SGCZ: variants seen among roughly 807,000 people sequenced by gnomAD.
The protein encoded by SGCZ is sarcoglycan zeta.
Under a neutral mutation model 41.3 loss-of-function variants are expected in SGCZ, and 40 were observed. The ratio of observed to expected loss-of-function variants is 0.97; its 90% CI spans 0.75 to 1.26. The LOEUF (loss-of-function observed/expected upper bound fraction) is 1.26, where lower values mean the gene tolerates loss of function less well. SGCZ is among the 50% of genes most tolerant of loss of function. The pLI is 0.00. For missense variants in SGCZ, 552 were observed against 369.8 expected (o/e 1.49, Z -4.04); for synonymous variants, 206 against 137.5 (o/e 1.50, Z -3.49).
intron 1 of SGCZ, among the ~76,000 whole-genome samples, chr8:14,584,843 A>C (rs534438585): frequency 2.6e-5 from 4 of 152,242 alleles, no homozygotes; most frequent in Admixed American, 2.6e-4. Context: ...ACAATGACAG[A>C]GATAAGTACT....
chr8:14,093,948 C>A (rs754381520), intron 7 of SGCZ, among the ~76,000 whole-genome samples: 1 of 151,868 alleles, frequency 6.6e-6, no homozygotes, highest in African/African-American at 2.4e-5. Context: ...GAGGATAGGG[C>A]CTGTCTTTGG....
At chr8:15,156,411 G>T (rs268417) in intron 1 of SGCZ, among the ~76,000 whole-genome samples, 149,966 of 152,306 alleles carry the variant, frequency 0.98, 73,868 homozygotes, top group East Asian at 1. Flanking sequence ...CTTGCCAATC[G>T]TGACAAGAAA....
intron 4 of SGCZ, among the ~76,000 whole-genome samples, chr8:14,179,620 T>G (rs1450806354): frequency 1.3e-5 from 2 of 152,248 alleles, no homozygotes; most frequent in Non-Finnish European, 2.9e-5. Flanking sequence ...TAGTCATGGA[T>G]GGCGTAAAAG....
chr8:14,640,752 T>A (rs1510441), intron 1 of SGCZ, among the ~76,000 whole-genome samples: 29,087 of 151,452 alleles, frequency 0.19, 3,302 homozygotes, highest in East Asian at 0.6. Context: ...CATCTTCCAA[T>A]CCTCTTAGCC....
chr8:14,731,362 A>C (rs1483983059), intron 1 of SGCZ, among the ~76,000 whole-genome samples: 4 of 151,068 alleles, frequency 2.6e-5, no homozygotes, highest in African/African-American at 7.3e-5. Context: ...AGGGAGGGGA[A>C]CATCACACAC....
intron 2 of SGCZ, among the ~76,000 whole-genome samples, chr8:14,375,446 A>G (rs999656677): frequency 6.6e-6 from 1 of 152,204 alleles, no homozygotes; most frequent in African/African-American, 2.4e-5. Context: ...TTGACTAACT[A>G]CCTATTTATC....
intron 2 of SGCZ, among the ~76,000 whole-genome samples, chr8:14,361,953 C>T (rs1803529859): frequency 6.6e-6 from 1 of 152,156 alleles, no homozygotes; most frequent in African/African-American, 2.4e-5. Context: ...AGCTGCAGGT[C>T]TGCTGGAGTT....
chr8:14,870,078 C>T (rs1804090592), intron 1 of SGCZ, among the ~76,000 whole-genome samples: 1 of 152,118 alleles, frequency 6.6e-6, no homozygotes, highest in Non-Finnish European at 1.5e-5. Context: ...GAAAAAAATA[C>T]TTTAAATTTC....
chr8:14,135,350 T>A (rs547216219), intron 5 of SGCZ, among the ~76,000 whole-genome samples: 1 of 152,184 alleles, frequency 6.6e-6, no homozygotes, highest in Admixed American at 6.5e-5. Context: ...GGGGCTGATG[T>A]GATAGGAAGA....
chr8:14,369,687 G>C (rs375285377), intron 2 of SGCZ, among the ~76,000 whole-genome samples: 5 of 151,816 alleles, frequency 3.3e-5, no homozygotes, highest in Non-Finnish European at 7.4e-5. Context: ...AAGTAATCAA[G>C]TATGTTACAA....
At chr8:14,393,700 G>C (rs931623828) in intron 2 of SGCZ, among the ~76,000 whole-genome samples, 1 of 151,992 alleles carries the variant, frequency 6.6e-6, no homozygotes, top group East Asian at 1.9e-4. Flanking sequence ...AATTCCTCCT[G>C]TGCCCATGTT....
At chr8:14,432,494 T>G (rs1446882188) in intron 2 of SGCZ, among the ~76,000 whole-genome samples, 1 of 152,180 alleles carries the variant, frequency 6.6e-6, no homozygotes, top group East Asian at 1.9e-4. Flanking sequence ...TGCAAAGGCA[T>G]AAGTATGACA....
chr8:15,031,138 G>T (rs540571439), intron 1 of SGCZ, among the ~76,000 whole-genome samples: 1 of 152,092 alleles, frequency 6.6e-6, no homozygotes, highest in Admixed American at 6.6e-5. Flanking sequence ...TCTGCATTGA[G>T]GTAGCTTTAT....
At chr8:14,608,509 A>G (rs1484390582) in intron 1 of SGCZ, among the ~76,000 whole-genome samples, 2 of 152,026 alleles carry the variant, frequency 1.3e-5, no homozygotes, top group Non-Finnish European at 2.9e-5. Context: ...AGGAGATGCC[A>G]AGCTCCTTTA....
chr8:14,584,528 G>A (rs555265105), intron 1 of SGCZ, among the ~76,000 whole-genome samples: 2 of 152,052 alleles, frequency 1.3e-5, no homozygotes, highest in Non-Finnish European at 2.9e-5. Context: ...AGGAACACAG[G>A]GAGACAGATG....
At chr8:14,996,337 G>T (rs1802217911) in intron 1 of SGCZ, among the ~76,000 whole-genome samples, 1 of 152,178 alleles carries the variant, frequency 6.6e-6, no homozygotes, top group Non-Finnish European at 1.5e-5. Flanking sequence ...CCTGACAACT[G>T]GTGCAACCAA....
chr8:14,203,514 C>T (rs1469971422), intron 4 of SGCZ, among the ~76,000 whole-genome samples: 4 of 152,106 alleles, frequency 2.6e-5, no homozygotes, highest in Admixed American at 1.3e-4. Context: ...TTTTATTTCA[C>T]TGGATTCAAT....
chr8:14,224,703 C>T (rs1201893055), intron 4 of SGCZ, among the ~76,000 whole-genome samples: 2 of 152,066 alleles, frequency 1.3e-5, no homozygotes, highest in East Asian at 3.9e-4. Context: ...ATAAAATGGC[C>T]AGGGAGTAAG....
rs1804329732 is a variant in SGCZ, at chr8:14,875,645, A to T, written c.40-320719T>A. 2.0e-5 allele frequency among the ~76,000 whole-genome samples: 3 copies of T among 152,158 alleles called. No homozygotes were observed. In the South Asian group the frequency reaches 6.2e-4, roughly 32 times the overall value. ...CTCATCTGTAAAGTGAAAGGCTAGG[A>T]CCTGGTTATCTCTGAGATTCCTTCC... On this transcript the variant is annotated intron_variant, in intron 1 of 7. Coordinates refer to ENST00000382080, the MANE Select transcript of SGCZ (RefSeq NM_139167.4).
Sources: gnomAD v4.1 joint callset for allele counts (sites outside exome capture counted in the v4.1 genomes callset) on GRCh38, gnomAD v4.1.1 for gene constraint, MANE v1.5 for transcripts, NCBI Gene and HGNC (gene_info 2026-07-23, HGNC 2026-07-21) for gene names.